KIF4A: variants seen among roughly 807,000 people sequenced by gnomAD.
The protein encoded by KIF4A is kinesin family member 4A.
KIF4A carries 7 observed loss-of-function variants against 105.9 expected under a neutral mutation model. The observed-to-expected ratio is 0.07, with a 90% CI of 0.04 to 0.12. The LOEUF (loss-of-function observed/expected upper bound fraction) is 0.12, where lower values mean the gene tolerates loss of function less well. Ranked by LOEUF, KIF4A falls within the 10% of genes least tolerant of loss-of-function variation. The pLI is 1.00. For missense variants in KIF4A, 558 were observed against 929.2 expected (o/e 0.60, Z 5.19); for synonymous variants, 281 against 331.3 (o/e 0.85, Z 1.65).
intron 17 of KIF4A, 50 bp downstream of exon 17, chrX:70,375,398 A>G: frequency 8.8e-7 from 1 of 1,135,823 alleles, no homozygotes; most frequent in Non-Finnish European, 1.2e-6. Flanking sequence ...TTACAAACAT[A>G]GGTATTCCAT....
chrX:70,319,014 C>T (rs1355100480), intron 7 of KIF4A, among the ~76,000 whole-genome samples: 1 of 111,801 alleles, frequency 8.9e-6, no homozygotes, highest in East Asian at 2.8e-4. Context: ...CCTGTAATCC[C>T]AGCACTTTGG....
At chrX:70,361,671 G>A (rs898373171) in intron 15 of KIF4A, 6 of 150,628 alleles carry the variant, frequency 4.0e-5, no homozygotes, top group Non-Finnish European at 8.5e-5. Context: ...GTAAGACAAG[G>A]ACTGCTGGGA....
At chrX:70,299,031 T>A in intron 4 of KIF4A, 82 bp from the exon 5 acceptor site, 1 of 692,559 alleles carries the variant, frequency 1.4e-6, no homozygotes, top group Non-Finnish European at 2.1e-6. Flanking sequence ...CAAATAATTT[T>A]AAAAATTACC....
Position 70,301,957 on chromosome X carries a change from G to A in KIF4A, c.574G>A (p.Glu192Lys), listed in dbSNP as rs1483052898. Residue 192 changes from glutamate (E) to lysine (K), a missense_variant, in exon 6 of 31, where the codon GAA becomes AAA. Glu to Lys is a moderately conservative substitution (Grantham distance 56). Around this residue, in one of 2 missense-constraint regions of KIF4A, gnomAD observed 89 missense variants for 248.8 expected, o/e 0.36. Coordinates refer to ENST00000374403, the MANE Select transcript of KIF4A (RefSeq NM_012310.5). ...TGCCTTGGATACTGTTTCCTGTTTG[G>A]AACAGGGCAACAACTCTAGGACTGT... ...LVALDTVSCL[E>K]QGNNSRTVAS... is the part of the protein sequence containing the mutation. The A allele has an allele frequency of 5.0e-6, 6 of 1,209,709 alleles. No homozygotes were observed. Among genetic ancestry groups the A allele is most frequent in the Non-Finnish European group, 6.7e-6 (6 of 895,026 alleles).
At chrX:70,399,784 C>T (rs1260832638) in intron 22 of KIF4A, among the ~76,000 whole-genome samples, 2 of 64,242 alleles carry the variant, frequency 3.1e-5, no homozygotes, top group Non-Finnish European at 5.3e-5. Flanking sequence ...AGGAACATCA[C>T]ACTCTGGGGA....
Position 70,343,940 on chromosome X carries a change from A to G in KIF4A, c.1389A>G (p.Val463=), listed in dbSNP as rs756508968. The G allele has an allele frequency of 1.7e-6, 2 of 1,210,671 alleles. No individual in the cohort carries two copies. The highest frequency in any genetic ancestry group is 3.5e-5 in the South Asian group (2 of 56,820). The change falls in exon 13 of 31, where the codon GTA becomes GTG. Residue 463 remains valine (V), a synonymous_variant. Transcript: ENST00000374403. ...TLEDQELKEN[V]EIICNLQQLI... is the part of the protein sequence containing the mutation. ...AAGACCAGGAATTGAAAGAAAATGT[A>G]GAGATAATTTGTAACCTGCAGCAAT...
chrX:70,332,405 T>C (rs2085934232), intron 9 of KIF4A, among the ~76,000 whole-genome samples: 1 of 111,586 alleles, frequency 9.0e-6, no homozygotes, highest in African/African-American at 3.3e-5. Flanking sequence ...AAATGCTCAC[T>C]GGATTTGGTG....
chrX:70,317,393 A>G (rs2085873418), intron 7 of KIF4A, among the ~76,000 whole-genome samples: 1 of 110,779 alleles, frequency 9.0e-6, no homozygotes, highest in Non-Finnish European at 1.9e-5. Context: ...TAGTTTAATA[A>G]ATGATTATAA....
At chrX:70,326,579 T>C (rs1318769795) in intron 7 of KIF4A, among the ~76,000 whole-genome samples, 1 of 112,531 alleles carries the variant, frequency 8.9e-6, no homozygotes, top group Non-Finnish European at 1.9e-5. Flanking sequence ...CCTTTATTAT[T>C]TATTTGTTGC....
chrX:70,406,799 A>G (rs1406131588), intron 27 of KIF4A, 94 bp from the exon 28 acceptor site: 3 of 916,645 alleles, frequency 3.3e-6, no homozygotes, highest in African/African-American at 4.0e-5. Context: ...TTGCTCTGAG[A>G]ATATAGCTGG....
intron 3 of KIF4A, among the ~76,000 whole-genome samples, chrX:70,294,791 G>T (rs573580852): frequency 3.2e-4 from 36 of 112,854 alleles, no homozygotes; most frequent in African/African-American, 1.1e-3. Flanking sequence ...GAAAATGCCC[G>T]CTGGGCATGG....
In KIF4A at chrX:70,388,978, A is replaced by G. The variant is rs938716638; in HGVS notation, c.2232+1681A>G. On this transcript the variant is annotated intron_variant, in intron 20 of 30. Coordinates refer to ENST00000374403, the MANE Select transcript of KIF4A (RefSeq NM_012310.5). ...TGCTTAAGAAATCTTGGCTGGGTGTAGTGGCTCATGCCTATAATCCCAGCA... is the reference window on the plus strand; with the variant it reads ...TGCTTAAGAAATCTTGGCTGGGTGTGGTGGCTCATGCCTATAATCCCAGCA... Among the ~76,000 whole-genome samples the G allele has an allele frequency of 3.6e-5, 4 of 112,462 alleles. No individual in the cohort carries two copies. The Admixed American group carries it at 3.8e-4, about 11-fold the overall frequency.
intron 18 of KIF4A, among the ~76,000 whole-genome samples, chrX:70,382,098 T>A (rs1481224616): frequency 8.9e-6 from 1 of 112,259 alleles, no homozygotes; most frequent in Non-Finnish European, 1.9e-5. Context: ...CAACAAATAG[T>A]CCTAGAACAA....
intron 20 of KIF4A, among the ~76,000 whole-genome samples, chrX:70,391,425 T>C (rs1044698354): frequency 8.9e-6 from 1 of 111,784 alleles, no homozygotes; most frequent in Non-Finnish European, 1.9e-5. Flanking sequence ...TGATGATGAA[T>C]AGGAGTGGTG....
intron 20 of KIF4A, among the ~76,000 whole-genome samples, chrX:70,393,421 G>A (rs1227599366): frequency 9.0e-6 from 1 of 111,509 alleles, no homozygotes; most frequent in Non-Finnish European, 1.9e-5. Flanking sequence ...GTTGGATGGA[G>A]TATCTATAAA....
intron 15 of KIF4A, among the ~76,000 whole-genome samples, chrX:70,364,100 T>C (rs1244093154): frequency 8.9e-6 from 1 of 112,244 alleles, no homozygotes; most frequent in East Asian, 2.8e-4. Flanking sequence ...TGTTTTTTTC[T>C]TGTAAATTTG....
At chrX:70,304,402 G>A (rs1469084776) in intron 7 of KIF4A, among the ~76,000 whole-genome samples, 8 of 101,432 alleles carry the variant, frequency 7.9e-5, no homozygotes, top group Non-Finnish European at 1.6e-4. Flanking sequence ...ATAAACATAT[G>A]TGTGCATGTG....
chrX:70,376,874 T>G (rs1470388062), intron 18 of KIF4A, among the ~76,000 whole-genome samples: 1 of 111,729 alleles, frequency 9.0e-6, no homozygotes, highest in African/African-American at 3.2e-5. Flanking sequence ...CTGGGAATAA[T>G]GTATAGAGCA....
chrX:70,419,780 C>T lies in KIF4A; in HGVS notation c.3492C>T (p.Ser1164=). The T allele has an allele frequency of 8.3e-7, 1 of 1,211,095 alleles. No homozygotes were observed. The highest frequency in any genetic ancestry group is 1.1e-6 in the Non-Finnish European group (1 of 895,402). Residue 1164 remains serine (S), a synonymous_variant, in exon 30 of 31, where the codon AGC becomes AGT. Coordinates refer to ENST00000374403, the MANE Select transcript of KIF4A (RefSeq NM_012310.5). ...ATCCCGTCTGTGCCACCCCCAATAG[C>T]AAGGTAGGTGGGCTAAAAGGCAGGC... ...FFNPVCATPN[S]KILKEMCDVE... is the part of the protein sequence containing the mutation.
Sources: gnomAD v4.1 joint callset for allele counts (sites outside exome capture counted in the v4.1 genomes callset) on GRCh38, gnomAD v4.1.1 for gene constraint, gnomAD v4.1.1 regional missense constraint, MANE v1.5 for transcripts, NCBI Gene and HGNC (gene_info 2026-07-23, HGNC 2026-07-21) for gene names.